Variants in EPM2A observed in about 807,000 individuals in gnomAD.
EPM2A encodes laforin.
Under a neutral mutation model 26.5 loss-of-function variants are expected in EPM2A, and 21 were observed. The ratio of observed to expected loss-of-function variants is 0.79; its 90% confidence interval spans 0.56 to 1.14. The LOEUF (loss-of-function observed/expected upper bound fraction) is 1.14. Ranked by LOEUF, EPM2A falls within the 50% of genes most tolerant of loss-of-function variation. EPM2A has a pLI of 0.00. For synonymous variants in EPM2A, 217 were observed against 177.6 expected (o/e 1.22, Z -1.76); for missense variants, 458 against 440.8 (o/e 1.04, Z -0.35).
intron 3 of EPM2A, chr6:145,631,322 G>A (rs545361170): frequency 1.8e-4 from 28 of 152,064 alleles, no homozygotes; most frequent in Non-Finnish European, 3.5e-4. Flanking sequence ...AATTTGATAA[G>A]ACATTTCCAT....
chr6:145,440,008 G>A (rs1779041689), intron 4 of EPM2A, among the ~76,000 whole-genome samples: 1 of 152,128 alleles, frequency 6.6e-6, no homozygotes, highest in Admixed American at 6.6e-5. Flanking sequence ...TTAAAGAATG[G>A]GTCCAGTTTC....
intron 2 of EPM2A, among the ~76,000 whole-genome samples, chr6:145,645,606 C>CT (rs112139648): frequency 0.022 from 3,223 of 147,052 alleles, 40 homozygotes; most frequent in Non-Finnish European, 0.024. Flanking sequence ...TCCTGGCAAA[C>CT]TTTTTTTTTT....
chr6:145,517,246 G>C (rs1780140808), intron 2 of EPM2A, among the ~76,000 whole-genome samples: 1 of 152,096 alleles, frequency 6.6e-6, no homozygotes, highest in South Asian at 2.1e-4. Flanking sequence ...TTTGCAAGAT[G>C]ATTAAGTTCT....
intron 1 of EPM2A, among the ~76,000 whole-genome samples, chr6:145,717,369 CAT>C (rs1381913535): frequency 6.6e-6 from 1 of 152,148 alleles, no homozygotes; most frequent in African/African-American, 2.4e-5. Flanking sequence ...ACAAAAACCA[CAT>C]GATTATCTCA....
At chr6:145,591,304 G>A (rs1781270356) in intron 2 of EPM2A, among the ~76,000 whole-genome samples, 1 of 152,116 alleles carries the variant, frequency 6.6e-6, no homozygotes, top group Non-Finnish European at 1.5e-5. Context: ...CAATGGTTGA[G>A]AAAATTTCTG....
chr6:145,566,957 GA>G (rs1049891554), intron 2 of EPM2A, among the ~76,000 whole-genome samples: 3 of 152,178 alleles, frequency 2.0e-5, no homozygotes, highest in Non-Finnish European at 4.4e-5. Context: ...AGAAATCACA[GA>G]AAGAGTAAGT....
chr6:145,606,345 T>C (rs955781532), intron 2 of EPM2A, among the ~76,000 whole-genome samples: 11 of 152,034 alleles, frequency 7.2e-5, no homozygotes, highest in African/African-American at 2.4e-5. Flanking sequence ...AAATTAATAC[T>C]CAGTCCCCTG....
At chr6:145,697,268 A>G (rs1213344575) in intron 1 of EPM2A, among the ~76,000 whole-genome samples, 16 of 152,084 alleles carry the variant, frequency 1.1e-4, no homozygotes, top group Admixed American at 1.0e-3. Context: ...AAAACCAGCA[A>G]GTTTTTATTA....
In EPM2A at chr6:145,627,269, G is replaced by GA; in HGVS notation, c.*146dup. 1 of 1,550,082 alleles carries GA rather than the reference G, an allele frequency of 6.5e-7. No individual in the cohort carries two copies. The highest frequency in any genetic ancestry group is 8.6e-7 in the Non-Finnish European group (1 of 1,159,586). On this transcript the variant is annotated 3_prime_UTR_variant, in exon 4 of 4. Transcript: ENST00000367519. The stretch of plus-strand genomic sequence containing the variant: ...TACAGCCCCAAAACAAAGCATAATC[G>GA]AAAGTCATCCCAGGTGAAAGTGGTT...
chr6:145,627,106 T>G lies in EPM2A; in HGVS notation c.*310A>C, dbSNP rs1453476384. On this transcript the variant is annotated 3_prime_UTR_variant, in exon 4 of 4. Transcript: ENST00000367519. ...CGGATCCATCGTGCAACACATACAG[T>G]GCTGTAAAGCAAAGGCCTCGTCTGC... 1 of 1,282,432 alleles carries G rather than the reference T, an allele frequency of 7.8e-7. No individual in the cohort carries two copies. Among genetic ancestry groups the G allele is most frequent in the African/African-American group, 1.5e-5 (1 of 66,148 alleles). The allele number at this position is 1,282,432 out of a possible 1,614,324, so 79.4% of individuals were successfully genotyped here. A position where few individuals can be genotyped will look rare whatever the true frequency, so the allele number is the denominator to read the frequency against.
intron 2 of EPM2A, among the ~76,000 whole-genome samples, chr6:145,541,500 T>TA (rs963514596): frequency 2.0e-5 from 3 of 152,038 alleles, no homozygotes; most frequent in Non-Finnish European, 4.4e-5. Flanking sequence ...TGTTCAACTT[T>TA]AAAAAAATTA....
intron 1 of EPM2A, among the ~76,000 whole-genome samples, chr6:145,713,902 G>T (rs1775472109): frequency 6.6e-6 from 1 of 152,050 alleles, no homozygotes; most frequent in Non-Finnish European, 1.5e-5. Flanking sequence ...CAGCAATAAG[G>T]GTTAATGAAG....
chr6:145,527,947 CA>C (rs922046110), intron 2 of EPM2A, among the ~76,000 whole-genome samples: 22 of 146,178 alleles, frequency 1.5e-4, no homozygotes, highest in South Asian at 6.4e-4. Context: ...ACGCAAATAA[CA>C]AAAAAAAAAG....
intron 4 of EPM2A, among the ~76,000 whole-genome samples, chr6:145,394,125 A>C (rs1778373869): frequency 6.6e-6 from 1 of 152,036 alleles, no homozygotes; most frequent in Admixed American, 6.6e-5. Context: ...GCCCGGCCCA[A>C]CTTATGACTA....
chr6:145,409,678 G>A (rs986757768), intron 4 of EPM2A, among the ~76,000 whole-genome samples: 4 of 152,148 alleles, frequency 2.6e-5, no homozygotes, highest in Non-Finnish European at 4.4e-5. Context: ...TGAATCAGGA[G>A]TGGGGAAGTG....
At chr6:145,544,811 C>G (rs1225966040) in intron 2 of EPM2A, among the ~76,000 whole-genome samples, 1 of 152,130 alleles carries the variant, frequency 6.6e-6, no homozygotes, top group Non-Finnish European at 1.5e-5. Flanking sequence ...AGTAGATGCT[C>G]AGCAGCTTGG....
At chr6:145,642,769 T>C (rs1165580476) in intron 2 of EPM2A, among the ~76,000 whole-genome samples, 1 of 152,136 alleles carries the variant, frequency 6.6e-6, no homozygotes, top group Non-Finnish European at 1.5e-5. Flanking sequence ...CTTTAGGAAC[T>C]GTGAGAAACC....
chr6:145,664,305 A>G (rs1282686133), intron 2 of EPM2A, among the ~76,000 whole-genome samples: 1 of 98,530 alleles, frequency 1.0e-5, no homozygotes, highest in Admixed American at 1.2e-4. Context: ...TCAAAATAAA[A>G]GGATGGAGGA....
Position 145,491,677 on chromosome 6 carries a change from G to C in EPM2A, c.555+10845C>G, listed in dbSNP as rs1298706099. On this transcript the variant is annotated intron_variant, in intron 4 of 4. Transcript: ENST00000638717. ...CACTTTGGGTTGCTGTCCCAGACTT[G>C]AGTGTGGGACCCTTGCCGGGGACCT... 7.2e-6 allele frequency: 3 copies of C among 417,758 alleles called. No homozygotes were observed. The East Asian group carries it at 2.1e-4, about 29-fold the overall frequency. 25.9% of individuals were successfully genotyped at this position (417,758 alleles called of 1,614,324 possible).
Sources: gnomAD v4.1 joint callset for allele counts (sites outside exome capture counted in the v4.1 genomes callset) on GRCh38, gnomAD v4.1.1 for gene constraint, MANE v1.5 for transcripts, NCBI Gene and HGNC (gene_info 2026-07-23, HGNC 2026-07-21) for gene names.